ZNF205: variants seen among roughly 807,000 people sequenced by gnomAD.
The protein encoded by ZNF205 is transcriptional repressor RHIT.
ZNF205 carries 32 observed loss-of-function variants against 53.6 expected under a neutral mutation model. That is an observed-to-expected ratio of 0.60 (90% CI 0.45 to 0.80). The LOEUF (loss-of-function observed/expected upper bound fraction) is 0.80. Among genes scored for constraint, ZNF205 ranks in the 30% least tolerant of loss-of-function variants. The probability of loss-of-function intolerance (pLI) is 0.00; values close to 1 mark genes in which losing one functional copy is unlikely to be tolerated. For missense variants in ZNF205, 836 were observed against 782.4 expected, an observed-to-expected ratio of 1.07 and a Z score of -0.82; for synonymous variants, 382 against 334.3, an observed-to-expected ratio of 1.14 and a Z score of -1.56.
At position 3,115,720 on chromosome 16, in the gene ZNF205, A is replaced by G. The variant is rs1957335125; in HGVS notation, c.272-109A>G. ...ACAGCCCCCTGGCAGCGTCAGAGCC[A>G]TCCGACCCTGTCCTTGGGTCGGGCC... On this transcript the variant is annotated intron_variant, in intron 3 of 6. Coordinates refer to ENST00000219091, the MANE Select transcript of ZNF205 (RefSeq NM_001042428.2). 5.0e-6 allele frequency: 7 copies of G among 1,400,466 alleles called. No homozygotes were observed. In the East Asian group the frequency reaches 1.7e-4, roughly 34 times the overall value. The allele number at this position is 1,400,466 out of a possible 1,614,324, so 86.8% of individuals were successfully genotyped here.
At chr16:3,117,322 C>G (rs1235760979) in intron 5 of ZNF205, among the ~76,000 whole-genome samples, 1 of 152,062 alleles carries the variant, frequency 6.6e-6, no homozygotes, top group Admixed American at 6.6e-5. Context: ...ATGGCATGAA[C>G]TGAACTCCCC....
Position 3,112,667 on chromosome 16 carries a change from C to G in ZNF205, c.-30C>G, listed in dbSNP as rs530877067. On this transcript the variant is annotated 5_prime_UTR_variant, in exon 1 of 7. Transcript: ENST00000219091. ...GGGCCCCCACTGCCGCAGGTGCCCC[C>G]TCTGCCTCCACCCCGGTGAGAAGGG... The G allele has an allele frequency of 4.2e-5, 13 of 308,100 alleles. No homozygotes were observed. In the East Asian group the frequency reaches 1.1e-3, roughly 25 times the overall value. The allele number at this position is 308,100 out of a possible 1,614,324, so 19.1% of individuals were successfully genotyped here. A position where few individuals can be genotyped will look rare whatever the true frequency, so the allele number is the denominator to read the frequency against.
chr16:3,119,250 T>A lies in ZNF205; in HGVS notation c.596-6T>A. 6.4e-7 allele frequency: 1 copy of A among 1,567,096 alleles called. No homozygotes were observed. The highest frequency in any genetic ancestry group is 8.7e-7 in the Non-Finnish European group (1 of 1,154,934). ...TCCCTAGCTGGAAACGACTTTCTTT[T>A]TCCAGGAGCCGTCGAGGTGGGGCAG... On this transcript the variant is annotated splice_polypyrimidine_tract_variant and splice_region_variant and intron_variant, in intron 6 of 6. Transcript: ENST00000219091.
chr16:3,120,196 C>T lies in ZNF205; in HGVS notation c.1536C>T (p.Ser512=). 6.2e-7 allele frequency: 1 copy of T among 1,612,446 alleles called. No individual in the cohort carries two copies. The highest frequency in any genetic ancestry group is 8.5e-7 in the Non-Finnish European group (1 of 1,179,704). Residue 512 remains serine (S), a synonymous_variant, in exon 7 of 7, where the codon AGC becomes AGT. Coordinates refer to ENST00000219091, the MANE Select transcript of ZNF205 (RefSeq NM_001042428.2). The stretch of plus-strand genomic sequence containing the variant: ...ACGCCTGCCCGTTGTGCGGCAAGAG[C>T]TTCAGCCGGCGCTCCAACCTGCACC... ...RPYACPLCGK[S]FSRRSNLHRH...
At chr16:3,118,790 C>A in intron 5 of ZNF205, 115 bp from the exon 6 acceptor site, 1 of 1,138,522 alleles carries the variant, frequency 8.8e-7, no homozygotes, top group Non-Finnish European at 1.2e-6. Context: ...CTTTATTTTA[C>A]CCCCTGTTTC....
At chr16:3,118,814 C>G (rs1013609085) in intron 5 of ZNF205, 91 bp from the exon 6 acceptor site, 4 of 1,355,972 alleles carry the variant, frequency 2.9e-6, no homozygotes, top group Admixed American at 4.5e-5. Context: ...AGCCTCACCC[C>G]CTACTTGGGC....
In ZNF205 at chr16:3,118,809, C is replaced by T. The variant is rs534090873; in HGVS notation, c.485-96C>T. On this transcript the variant is annotated intron_variant, in intron 5 of 6. Transcript: ENST00000219091. The stretch of plus-strand genomic sequence containing the variant: ...ATTTTACCCCCTGTTTCCAGAGCCT[C>T]ACCCCCTACTTGGGCCCATCAGTTT... 19 of 1,313,558 alleles carry T rather than the reference C, an allele frequency of 1.4e-5. No homozygotes were observed. The African/African-American group carries it at 1.5e-4, about 10-fold the overall frequency. The allele number at this position is 1,313,558 out of a possible 1,614,324, so 81.4% of individuals were successfully genotyped here. A position where few individuals can be genotyped will look rare whatever the true frequency, so the allele number is the denominator to read the frequency against.
At position 3,116,546 on chromosome 16, in the gene ZNF205, G is replaced by A. The variant is rs141925745; in HGVS notation, c.483G>A (p.Leu161=). The change falls in exon 5 of 7, where the codon CTG becomes CTA. Residue 161 remains leucine, a splice_region_variant and synonymous_variant. Coordinates refer to ENST00000219091, the MANE Select transcript of ZNF205 (RefSeq NM_001042428.2). The stretch of plus-strand genomic sequence containing the variant: ...TGCAGAAGAAAAATGGGCTGTCACT[G>A]GGTAAGCACTCGCCTGGAGGGGGGA... The part of the protein sequence containing the change: ...DVLQKKNGLS[L]GFPFSRPFWA... 2.2e-5 allele frequency: 36 copies of A among 1,613,472 alleles called. No individual in the cohort carries two copies. The African/African-American group carries it at 4.4e-4, about 20-fold the overall frequency.
At position 3,119,401 on chromosome 16, in the gene ZNF205, G is replaced by T; in HGVS notation, c.741G>T (p.Pro247=). 1.9e-6 allele frequency: 3 copies of T among 1,609,832 alleles called. No homozygotes were observed. The highest frequency in any genetic ancestry group is 2.5e-6 in the Non-Finnish European group (3 of 1,178,758). ...CAGCCTGCGGCCGGAGCTCAGGGCC[G>T]GCCAAAGACTCCGGGCAGCCGGCTG... ...QEAACGRSSG[P]AKDSGQPAEP... is the part of the protein sequence containing the mutation. The change falls in exon 7 of 7, where the codon CCG becomes CCT. Residue 247 remains proline, a synonymous_variant. Coordinates refer to ENST00000219091, the MANE Select transcript of ZNF205 (RefSeq NM_001042428.2).
At chr16:3,113,686 C>A (rs896428789) in intron 2 of ZNF205, among the ~76,000 whole-genome samples, 199 bp downstream of exon 2, 1 of 152,162 alleles carries the variant, frequency 6.6e-6, no homozygotes, top group African/African-American at 2.4e-5. Context: ...AATTCTCTAG[C>A]CAGTGGCCAC....
In ZNF205 at chr16:3,118,012, C is replaced by CTTTTT. The variant is rs71158135; in HGVS notation, c.485-874_485-870dup. Among the ~76,000 whole-genome samples the CTTTTT allele has an allele frequency of 1.8e-3, 131 of 74,274 alleles. 4 individuals carry two copies. The highest frequency in any genetic ancestry group is 3.2e-3 in the African/African-American group (56 of 17,586). 48.7% of individuals were successfully genotyped at this position (74,274 alleles called of 152,430 possible). A position where few individuals can be genotyped will look rare whatever the true frequency, so the allele number is the denominator to read the frequency against. The stretch of plus-strand genomic sequence containing the variant: ...TACAGGTGCCCACCACCATGCCCGG[C>CTTTTT]TTTTTTTTTTTTTTTTTTTTTTTGT... On this transcript the variant is annotated intron_variant, in intron 5 of 6. Transcript: ENST00000219091.
Position 3,119,894 on chromosome 16 carries a change from G to T in ZNF205, c.1234G>T (p.Gly412Cys). 9.3e-6 allele frequency: 15 copies of T among 1,613,038 alleles called. No individual in the cohort carries two copies. Among genetic ancestry groups the T allele is most frequent in the Non-Finnish European group, 1.3e-5 (15 of 1,179,756 alleles). ...CCGCTCGGACTTGGTCACCCACCAG[G>T]GCACCCACACGGGCGCCAAGCCGCA... ...TRRSDLVTHQ[G>C]THTGAKPHKC... Residue 412 changes from glycine (G) to cysteine (C), a missense_variant, in exon 7 of 7, where the codon GGC becomes TGC. Physicochemically the swap from Gly to Cys is radical, Grantham distance 159 (BLOSUM62 -3). Transcript: ENST00000219091.
chr16:3,119,904 C>A lies in ZNF205; in HGVS notation c.1244C>A (p.Thr415Lys). Residue 415 changes from threonine to lysine, a missense_variant, in exon 7 of 7, where the codon ACG (threonine) becomes AAG (lysine). Coordinates refer to ENST00000219091, the MANE Select transcript of ZNF205 (RefSeq NM_001042428.2). ...SDLVTHQGTH[T>K]GAKPHKCPIC... ...TTGGTCACCCACCAGGGCACCCACA[C>A]GGGCGCCAAGCCGCACAAGTGCCCC... The A allele has an allele frequency of 6.2e-7, 1 of 1,613,578 alleles. No individual in the cohort carries two copies. The highest frequency in any genetic ancestry group is 8.5e-7 in the Non-Finnish European group (1 of 1,179,930).
chr16:3,115,515 G>A lies in ZNF205; in HGVS notation c.218G>A (p.Trp73Ter). The change falls in exon 3 of 7, where the codon TGG becomes TAG. Residue 73 changes from tryptophan (W) to a stop codon, truncating the protein, a stop_gained. Transcript: ENST00000219091. LOFTEE classifies it high-confidence loss of function. ...GATGGGGCTCAAGGTGCCTGGGGCT[G>A]GGCACCCCTAAGTCACGGCTCTAAG... ...QEDGAQGAWG[W>*]APLSHGSKEK... 1 of 1,602,362 alleles carries A rather than the reference G, an allele frequency of 6.2e-7. No individual in the cohort carries two copies.
intron 2 of ZNF205, among the ~76,000 whole-genome samples, chr16:3,114,415 G>C (rs777123286): frequency 6.6e-6 from 1 of 152,130 alleles, no homozygotes. Flanking sequence ...GAGGGGTGTC[G>C]CTGGGTCTGG....
chr16:3,119,760 C>T lies in ZNF205; in HGVS notation c.1100C>T (p.Pro367Leu). The change falls in exon 7 of 7, where the codon CCC becomes CTC. Residue 367 changes from proline (P) to leucine (L), a missense_variant. Coordinates refer to ENST00000219091, the MANE Select transcript of ZNF205 (RefSeq NM_001042428.2). Reference protein sequence around the residue: ...IHTGEKPYTCPACRKSFSHHS... With the variant: ...IHTGEKPYTCLACRKSFSHHS... ...ACGGGCGAGAAGCCCTACACCTGCCCCGCCTGCCGGAAGAGCTTCAGCCAC... is the reference window on the plus strand; with the variant it reads ...ACGGGCGAGAAGCCCTACACCTGCCTCGCCTGCCGGAAGAGCTTCAGCCAC... 1 of 1,613,056 alleles carries T rather than the reference C, an allele frequency of 6.2e-7. No individual in the cohort carries two copies. Among genetic ancestry groups the T allele is most frequent in the Non-Finnish European group, 8.5e-7 (1 of 1,179,704 alleles).
rs1301544364 is a variant in ZNF205, at chr16:3,112,602, C to T, written c.-95C>T. ...CCAGTCTCCACCCAACTCCCCCGCC[C>T]GCCCCGTGCAGGCTGTGGAGACTCC... is the stretch of plus-strand genomic sequence containing the variant. On this transcript the variant is annotated 5_prime_UTR_variant, in exon 1 of 7. Transcript: ENST00000219091. 2 of 337,836 alleles carry T rather than the reference C, an allele frequency of 5.9e-6. No individual in the cohort carries two copies. Among genetic ancestry groups the T allele is most frequent in the South Asian group, 2.2e-5 (1 of 44,926 alleles). 20.9% of individuals were successfully genotyped at this position (337,836 alleles called of 1,614,324 possible).
chr16:3,118,334 AAG>A (rs1957372484), intron 5 of ZNF205, among the ~76,000 whole-genome samples: 1 of 152,122 alleles, frequency 6.6e-6, no homozygotes, highest in African/African-American at 2.4e-5. Flanking sequence ...AAGCCCAGGC[AAG>A]TCCTGAGGGA....
intron 1 of ZNF205, 124 bp from the exon 2 acceptor site, chr16:3,113,293 C>A: frequency 1.2e-6 from 1 of 840,306 alleles, no homozygotes; most frequent in Non-Finnish European, 1.9e-6. Flanking sequence ...TGGGGATTTT[C>A]AGGGCTCTTT....
Sources: gnomAD v4.1 joint callset for allele counts (sites outside exome capture counted in the v4.1 genomes callset) on GRCh38, gnomAD v4.1.1 for gene constraint, MANE v1.5 for transcripts, NCBI Gene and HGNC (gene_info 2026-07-23, HGNC 2026-07-21) for gene names.